Variants in ZNF487 observed in about 807,000 individuals in gnomAD.
ZNF487 encodes KRAB domain only 1.
Under a neutral mutation model 3.0 loss-of-function variants are expected in ZNF487, and 4 were observed. That is an observed-to-expected ratio of 1.35 (90% CI 0.66 to 3.08). The LOEUF is 3.08. Ranked by LOEUF, ZNF487 falls within the 30% of genes most tolerant of loss-of-function variation. The pLI is 0.01. For synonymous variants in ZNF487, 55 were observed against 34.6 expected (o/e 1.59, Z -2.06); for missense variants, 146 against 98.7 (o/e 1.48, Z -2.03).
intron 1 of ZNF487, among the ~76,000 whole-genome samples, chr10:43,449,635 T>A (rs552073134): frequency 2.9e-4 from 44 of 152,224 alleles, no homozygotes; most frequent in Admixed American, 2.6e-3. Flanking sequence ...TATTTCTGTT[T>A]ATATTGTTGT....
At chr10:43,503,353 A>G in the ZNF487 span, among the ~76,000 whole-genome samples, 2 of 152,242 alleles carry the variant, frequency 1.3e-5, no homozygotes, top group Non-Finnish European at 2.9e-5. Flanking sequence ...CAGCTATACA[A>G]TGATTACAAA....
chr10:43,486,558 A>T (rs1295385067), downstream of ZNF487, among the ~76,000 whole-genome samples: 1 of 152,116 alleles, frequency 6.6e-6, no homozygotes, highest in African/African-American at 2.4e-5. Context: ...GAGATGAAGG[A>T]AGGAAAGCAA....
At chr10:43,494,936 C>CAA in the ZNF487 span, among the ~76,000 whole-genome samples, 2,876 of 132,282 alleles carry the variant, frequency 0.022, 74 homozygotes, top group African/African-American at 0.059. Context: ...GACTCCATCT[C>CAA]AAAAAAAAAA....
At chr10:43,499,741 A>T in the ZNF487 span, among the ~76,000 whole-genome samples, 317 of 151,410 alleles carry the variant, frequency 2.1e-3, 1 homozygote, top group African/African-American at 6.8e-3. Context: ...ATGGAGTGAG[A>T]CCCTGTCTCA....
the ZNF487 span, among the ~76,000 whole-genome samples, chr10:43,490,694 G>GT: frequency 1.4e-5 from 2 of 140,754 alleles, no homozygotes; most frequent in African/African-American, 5.3e-5. Context: ...TTTTTTTTGA[G>GT]ATGGAATTTC....
intron 1 of ZNF487, among the ~76,000 whole-genome samples, chr10:43,455,738 G>A (rs1338415924): frequency 6.6e-6 from 1 of 152,256 alleles, no homozygotes; most frequent in African/African-American, 2.4e-5. Context: ...AGCACGCCGA[G>A]CCCGCCGGAG....
chr10:43,441,034 ATTTTTTTTTTTTTTTTT>A (rs763451709), intron 1 of ZNF487, among the ~76,000 whole-genome samples: 17 of 44,550 alleles, frequency 3.8e-4, no homozygotes, highest in East Asian at 1.8e-3. Context: ...ACCTGGTTAA[ATTTTTTTTTTTTTTTTT>A]TTTTTTTTTT....
At chr10:43,445,136 G>A (rs904527193) in intron 1 of ZNF487, among the ~76,000 whole-genome samples, 8 of 151,192 alleles carry the variant, frequency 5.3e-5, no homozygotes, top group African/African-American at 1.9e-4. Context: ...CATCTCAAAC[G>A]TGGTTTTCAT....
intron 1 of ZNF487, among the ~76,000 whole-genome samples, chr10:43,466,302 C>T (rs968459579): frequency 1.4e-4 from 22 of 151,864 alleles, no homozygotes; most frequent in African/African-American, 4.8e-4. Flanking sequence ...TCTCAGCCTC[C>T]CAAAGTACTA....
intron 1 of ZNF487, among the ~76,000 whole-genome samples, chr10:43,469,587 C>G (rs1347856416): frequency 1.3e-5 from 2 of 151,818 alleles, no homozygotes; most frequent in East Asian, 3.9e-4. Flanking sequence ...ATGATCCTCC[C>G]ACTTCAACCT....
At chr10:43,460,380 C>CTTTTTTTTTT (rs199998705) in intron 1 of ZNF487, among the ~76,000 whole-genome samples, 10 of 121,116 alleles carry the variant, frequency 8.3e-5, no homozygotes, top group African/African-American at 3.2e-4. Flanking sequence ...TTCTTTCTTT[C>CTTTTTTTTTT]TTTTTTTTTT....
Position 43,475,457 on chromosome 10 carries a change from G to C in ZNF487, c.-93-264G>C, listed in dbSNP as rs570759996. On this transcript the variant is annotated intron_variant, in intron 1 of 3. Coordinates refer to ENST00000437590, the MANE Select transcript of ZNF487 (RefSeq NM_001355444.3). ...TTGTGCCCCAGTGGTCAAGGTTGCA[G>C]TGAGTTGTGATCATGCCACAGCACT... is the stretch of plus-strand genomic sequence containing the variant. Among the ~76,000 whole-genome samples the C allele has an allele frequency of 9.4e-4, 142 of 151,870 alleles. 1 individual carries two copies. The highest frequency in any genetic ancestry group is 3.4e-3 in the Middle Eastern group (1 of 294).
chr10:43,509,458 C>CATATATATATATATATATATATAT, the ZNF487 span, among the ~76,000 whole-genome samples: 46 of 135,262 alleles, frequency 3.4e-4, no homozygotes, highest in African/African-American at 9.8e-4. Flanking sequence ...ACTAATGGAA[C>CATATATATATATATATATATATAT]ATATATATAT....
At chr10:43,480,993 C>T (rs748316923) in intron 3 of ZNF487, among the ~76,000 whole-genome samples, 9 of 151,782 alleles carry the variant, frequency 5.9e-5, no homozygotes, top group Non-Finnish European at 1.2e-4. Flanking sequence ...CAGCCTGGGC[C>T]GGGTGCAGTG....
At chr10:43,496,502 G>A in the ZNF487 span, among the ~76,000 whole-genome samples, 2 of 152,280 alleles carry the variant, frequency 1.3e-5, no homozygotes, top group East Asian at 1.9e-4. Flanking sequence ...GGATATTAGA[G>A]GAAGAGTCCT....
chr10:43,448,639 A>T (rs1231517234), intron 1 of ZNF487, among the ~76,000 whole-genome samples: 1 of 151,740 alleles, frequency 6.6e-6, no homozygotes, highest in South Asian at 2.1e-4. Context: ...AAGATGGCGA[A>T]ACCCTGTCTC....
intron 1 of ZNF487, among the ~76,000 whole-genome samples, chr10:43,469,723 T>C (rs1233421933): frequency 6.6e-6 from 1 of 151,968 alleles, no homozygotes; most frequent in Non-Finnish European, 1.5e-5. Context: ...CCAAAGTGGG[T>C]GGATCACTTG....
chr10:43,487,243 G>A (rs1230117600), downstream of ZNF487, among the ~76,000 whole-genome samples: 1 of 149,274 alleles, frequency 6.7e-6, no homozygotes, highest in Non-Finnish European at 1.5e-5. Flanking sequence ...AGGATCAAGC[G>A]ATTCTCCTGC....
At chr10:43,505,890 G>C in the ZNF487 span, among the ~76,000 whole-genome samples, 3 of 152,126 alleles carry the variant, frequency 2.0e-5, no homozygotes, top group African/African-American at 7.2e-5. Context: ...TGATCTGCCC[G>C]CATCAGCCTC....
Sources: allele counts gnomAD v4.1 joint callset (sites outside exome capture counted in the v4.1 genomes callset), GRCh38; gene constraint gnomAD v4.1.1; transcripts MANE v1.5; gene names NCBI Gene and HGNC (gene_info 2026-07-23, HGNC 2026-07-21).